OTUD4: variants seen among roughly 807,000 people sequenced by gnomAD.
OTUD4 encodes OTU domain-containing protein 4.
In OTUD4, 24 loss-of-function variants were observed where a neutral mutation model predicts 130.4. That is an observed-to-expected ratio of 0.18 (90% confidence interval 0.13 to 0.26). The LOEUF is 0.26. Ranked by LOEUF, OTUD4 falls within the 10% of genes least tolerant of loss-of-function variation. The pLI is 1.00. For missense variants in OTUD4, 1,031 were observed against 1,329.4 expected (o/e 0.78, Z 3.49); for synonymous variants, 420 against 472.5 (o/e 0.89, Z 1.44).
chr4:145,165,054 G>T, intron 4 of OTUD4, 97 bp downstream of exon 4: 1 of 632,744 alleles, frequency 1.6e-6, no homozygotes, highest in Non-Finnish European at 2.7e-6. Flanking sequence ...CATAACTAAA[G>T]TATAAAAGAG....
intron 1 of OTUD4, 185 bp downstream of exon 1, chr4:145,179,630 A>G: frequency 2.2e-6 from 3 of 1,394,862 alleles, no homozygotes; most frequent in African/African-American, 1.5e-5. Flanking sequence ...TCGAGTTTCA[A>G]TTTGCACCTT....
chr4:145,159,943 A>G lies in OTUD4; in HGVS notation c.497-308T>C, dbSNP rs188530624. Among the ~76,000 whole-genome samples, 544 of 152,374 alleles carry G rather than the reference A, an allele frequency of 3.6e-3. 2 individuals carry two copies. Among genetic ancestry groups the G allele is most frequent in the Non-Finnish European group, 4.4e-3 (301 of 68,040 alleles). On this transcript the variant is annotated intron_variant, in intron 6 of 20. Coordinates refer to ENST00000447906, the MANE Select transcript of OTUD4 (RefSeq NM_001366057.1). ...AGGACAACAGGAAAAGCCAAAACAC[A>G]CACACTGAGCAATTATTACTACTAC... is the stretch of plus-strand genomic sequence containing the variant.
At chr4:145,143,018 T>C (rs963746163) in intron 17 of OTUD4, among the ~76,000 whole-genome samples, 1 of 152,198 alleles carries the variant, frequency 6.6e-6, no homozygotes, top group Non-Finnish European at 1.5e-5. Context: ...TGAAATAAAG[T>C]AGAAATTCAG....
chr4:145,168,218 C>T (rs1200235206), intron 3 of OTUD4, among the ~76,000 whole-genome samples: 2 of 151,580 alleles, frequency 1.3e-5, no homozygotes, highest in Non-Finnish European at 2.9e-5. Context: ...AGCTCTTGTT[C>T]CTCAAAAGAC....
At chr4:145,163,361 A>G (rs1351400038) in intron 5 of OTUD4, among the ~76,000 whole-genome samples, 1 of 152,214 alleles carries the variant, frequency 6.6e-6, no homozygotes, top group Admixed American at 6.5e-5. Flanking sequence ...TTCTCTTATA[A>G]TAAGTCAGTT....
intron 8 of OTUD4, 52 bp downstream of exon 8, chr4:145,155,884 A>C (rs1024560531): frequency 1.1e-5 from 16 of 1,398,046 alleles, no homozygotes; most frequent in Non-Finnish European, 1.6e-5. Flanking sequence ...TTTAATGTAC[A>C]TGCTTTCTTA....
At chr4:145,159,290 CA>C in intron 7 of OTUD4, 6 of 1,356,118 alleles carry the variant, frequency 4.4e-6, no homozygotes, top group East Asian at 3.1e-5. Flanking sequence ...TCTCATCAAC[CA>C]AAAACACCAA....
At chr4:145,173,372 C>T (rs552501244) in intron 2 of OTUD4, among the ~76,000 whole-genome samples, 16 of 150,672 alleles carry the variant, frequency 1.1e-4, no homozygotes, top group Non-Finnish European at 2.4e-4. Flanking sequence ...CCAGCCTGGG[C>T]GACAGAGCGA....
chr4:145,178,361 G>A (rs1221690684), intron 1 of OTUD4, among the ~76,000 whole-genome samples: 1 of 152,128 alleles, frequency 6.6e-6, no homozygotes, highest in East Asian at 1.9e-4. Flanking sequence ...CTACCTCCTT[G>A]CTTACCAAAC....
At chr4:145,166,596 C>T (rs922145968) in intron 3 of OTUD4, among the ~76,000 whole-genome samples, 7 of 151,918 alleles carry the variant, frequency 4.6e-5, no homozygotes, top group African/African-American at 1.7e-4. Flanking sequence ...AATCCCAACA[C>T]TTTGGGAGGC....
intron 14 of OTUD4, among the ~76,000 whole-genome samples, chr4:145,145,575 C>G (rs1030699312): frequency 3.3e-5 from 5 of 152,152 alleles, no homozygotes; most frequent in African/African-American, 1.2e-4. Flanking sequence ...GTCCAACCAC[C>G]ATTCTGGATC....
At position 145,171,565 on chromosome 4, in the gene OTUD4, T is replaced by C. The variant is rs973642691; in HGVS notation, c.294+105A>G. The C allele has an allele frequency of 8.0e-6, 5 of 621,506 alleles. No homozygotes were observed. In the Admixed American group the frequency reaches 1.1e-4, roughly 14 times the overall value. The allele number at this position is 621,506 out of a possible 1,614,324, so 38.5% of individuals were successfully genotyped here. ...ATAAGGAAATAGGATACACCGTCAC[T>C]GCAACTCCTCTATACACTGTAATAG... On this transcript the variant is annotated intron_variant, in intron 3 of 20. Coordinates refer to ENST00000447906, the MANE Select transcript of OTUD4 (RefSeq NM_001366057.1).
chr4:145,152,570 T>C lies in OTUD4; in HGVS notation c.939A>G (p.Gly313=), dbSNP rs1751113379. 6.2e-7 allele frequency: 1 copy of C among 1,609,600 alleles called. No individual in the cohort carries two copies. The highest frequency in any genetic ancestry group is 8.5e-7 in the Non-Finnish European group (1 of 1,176,186). ...TTCCCAGTTCTTCAACCAAAACTGG[T>C]CCATTCTCAGAATGAATTCCTTGAA... The part of the protein sequence containing the change: ...ADVQGIHSEN[G]PVLVEELGKK... The change falls in exon 11 of 21, where the codon GGA becomes GGG. Residue 313 remains glycine (G), a synonymous_variant. Coordinates refer to ENST00000447906, the MANE Select transcript of OTUD4 (RefSeq NM_001366057.1).
In OTUD4 at chr4:145,152,638, G is replaced by A; in HGVS notation, c.874-3C>T. The A allele has an allele frequency of 1.3e-6, 2 of 1,552,424 alleles. No individual in the cohort carries two copies. Among genetic ancestry groups the A allele is most frequent in the Non-Finnish European group, 1.8e-6 (2 of 1,138,688 alleles). ...TTTCCATTGTGATCCAACCTAACCT[G>A]TTAAAAATTCCAAAAATGAAAAGGA... On this transcript the variant is annotated splice_polypyrimidine_tract_variant and splice_region_variant and intron_variant, in intron 10 of 20. Transcript: ENST00000447906.
At chr4:145,169,131 T>C (rs915681104) in intron 3 of OTUD4, among the ~76,000 whole-genome samples, 2 of 152,202 alleles carry the variant, frequency 1.3e-5, no homozygotes, top group Non-Finnish European at 1.5e-5. Context: ...TCCCAGGGGA[T>C]AGGCGGAAGA....
At chr4:145,154,559 G>GTTTTGT (rs1469991806) in intron 10 of OTUD4, among the ~76,000 whole-genome samples, 3 of 152,156 alleles carry the variant, frequency 2.0e-5, no homozygotes, top group Non-Finnish European at 2.9e-5. Flanking sequence ...GTATGTGGGG[G>GTTTTGT]TTTTGTTTTT....
At chr4:145,145,285 T>C (rs1035833494) in intron 14 of OTUD4, among the ~76,000 whole-genome samples, 2 of 152,204 alleles carry the variant, frequency 1.3e-5, no homozygotes, top group African/African-American at 4.8e-5. Flanking sequence ...ACTTTGCACA[T>C]AAACAATGCT....
At chr4:145,173,309 G>T (rs1255468253) in intron 2 of OTUD4, among the ~76,000 whole-genome samples, 2 of 152,046 alleles carry the variant, frequency 1.3e-5, no homozygotes, top group African/African-American at 2.4e-5. Flanking sequence ...CAGGAGAATG[G>T]CATGAACCCG....
chr4:145,138,758 A>C, intron 20 of OTUD4, 108 bp from the exon 21 acceptor site: 3 of 876,672 alleles, frequency 3.4e-6, no homozygotes, highest in Non-Finnish European at 1.7e-6. Context: ...TCATGCCTAC[A>C]AAGACCATAT....
Sources: gnomAD v4.1 joint callset for allele counts (sites outside exome capture counted in the v4.1 genomes callset) on GRCh38, gnomAD v4.1.1 for gene constraint, MANE v1.5 for transcripts, NCBI Gene and HGNC (gene_info 2026-07-23, HGNC 2026-07-21) for gene names.